Variants in ABLIM1 observed in about 807,000 individuals in gnomAD.
ABLIM1 encodes actin binding LIM protein 1.
In ABLIM1, 40 loss-of-function variants were observed where a neutral mutation model predicts 107.0. That is an observed-to-expected ratio of 0.37 (90% confidence interval 0.29 to 0.49). ABLIM1 has a LOEUF of 0.49. Ranked by LOEUF, ABLIM1 falls within the 20% of genes least tolerant of loss-of-function variation. The probability of loss-of-function intolerance (pLI) is 0.97; values close to 1 mark genes in which losing one functional copy is unlikely to be tolerated. For synonymous variants in ABLIM1, 357 were observed against 357.3 expected, an observed-to-expected ratio of 1.00 and a Z score of 0.01; for missense variants, 857 against 1,008.5, an observed-to-expected ratio of 0.85 and a Z score of 2.04.
At chr10:114,664,558 T>C (rs2079935139) in intron 1 of ABLIM1, among the ~76,000 whole-genome samples, 1 of 152,020 alleles carries the variant, frequency 6.6e-6, no homozygotes, top group South Asian at 2.1e-4. Context: ...TATTTTATTT[T>C]TTTTTGAGAA....
chr10:114,707,071 G>A lies in ABLIM1; in HGVS notation c.-213+60990C>T, dbSNP rs376828441. On this transcript the variant is annotated intron_variant, in intron 1 of 15. Coordinates refer to the ABLIM1 transcript ENST00000651092. This position sits in a 1 kb window ranked among gnomAD's most constrained non-coding sequence, Gnocchi z 4.1. ...TACATTAGAAAGGTAAAAAGAAACA[G>A]GTAAAATTAATTTTAAGATTTTTAA... 7.6e-4 allele frequency among the ~76,000 whole-genome samples: 115 copies of A among 152,074 alleles called. 2 individuals carry two copies. The South Asian group carries it at 0.022, about 29-fold the overall frequency.
chr10:114,624,168 G>A (rs2077644363), intron 1 of ABLIM1, among the ~76,000 whole-genome samples: 1 of 152,198 alleles, frequency 6.6e-6, no homozygotes, highest in African/African-American at 2.4e-5. Context: ...ACAATGGGAA[G>A]AAATCCTGCA....
At chr10:114,635,297 G>C (rs181960466) in intron 1 of ABLIM1, among the ~76,000 whole-genome samples, 320 of 152,338 alleles carry the variant, frequency 2.1e-3, no homozygotes, top group Non-Finnish European at 3.2e-3. Flanking sequence ...GTCACTCTTG[G>C]CAAAAATTCA....
chr10:114,582,316 A>C (rs917876056), intron 2 of ABLIM1, among the ~76,000 whole-genome samples: 4 of 152,154 alleles, frequency 2.6e-5, no homozygotes, highest in Non-Finnish European at 5.9e-5. Context: ...AAGAGGTGCA[A>C]GATGTCTACA....
At chr10:114,635,485 C>G (rs530328066) in intron 1 of ABLIM1, among the ~76,000 whole-genome samples, 2 of 152,328 alleles carry the variant, frequency 1.3e-5, no homozygotes, top group South Asian at 4.1e-4. Context: ...ACTGGAACAT[C>G]AGGTGTCCAG....
chr10:114,545,652 C>T (rs912986737), intron 5 of ABLIM1, among the ~76,000 whole-genome samples: 4 of 152,020 alleles, frequency 2.6e-5, no homozygotes, highest in East Asian at 1.9e-4. Context: ...AGGCCCGGCA[C>T]GGTGGCTCAT....
chr10:114,740,391 C>G (rs1186706708), intron 1 of ABLIM1, among the ~76,000 whole-genome samples: 1 of 152,032 alleles, frequency 6.6e-6, no homozygotes, highest in Non-Finnish European at 1.5e-5. Context: ...CCTACCTTCT[C>G]TTCGGGAATT....
the ABLIM1 span, among the ~76,000 whole-genome samples, chr10:114,798,564 C>CCCCA: frequency 2.0e-5 from 3 of 149,072 alleles, 1 homozygote; most frequent in Admixed American, 6.7e-5. Context: ...AGACCCCCCC[C>CCCCA]CCATGTCTAC....
chr10:114,704,263 T>TCTCTCTCG (rs1300434994), intron 1 of ABLIM1, among the ~76,000 whole-genome samples: 3 of 80,952 alleles, frequency 3.7e-5, no homozygotes, highest in African/African-American at 1.4e-4. Context: ...ACACTCTATC[T>TCTCTCTCG]CTCTCTCGCT....
chr10:114,799,299 T>C, the ABLIM1 span, among the ~76,000 whole-genome samples: 4 of 152,174 alleles, frequency 2.6e-5, no homozygotes, highest in African/African-American at 9.7e-5. Flanking sequence ...ACCTCTTCAC[T>C]CCCTTGGTGA....
intron 1 of ABLIM1, among the ~76,000 whole-genome samples, chr10:114,664,962 C>T (rs2079959700): frequency 6.6e-6 from 1 of 151,650 alleles, no homozygotes; most frequent in African/African-American, 2.4e-5. Flanking sequence ...ACTAAAAATA[C>T]AAAAAATTAG....
At chr10:114,498,621 G>A (rs969998763) in intron 6 of ABLIM1, among the ~76,000 whole-genome samples, 25 of 152,202 alleles carry the variant, frequency 1.6e-4, no homozygotes, top group Admixed American at 6.5e-4. Flanking sequence ...AGATGGCCCT[G>A]AAGTTCAACC....
intron 1 of ABLIM1, among the ~76,000 whole-genome samples, chr10:114,706,733 G>T (rs1023242883): frequency 6.6e-6 from 1 of 152,186 alleles, no homozygotes; most frequent in African/African-American, 2.4e-5. Flanking sequence ...TTTCCTAAAA[G>T]CTGAGAACTT....
At position 114,629,502 on chromosome 10, in the gene ABLIM1, A is replaced by G. The variant is rs920799676; in HGVS notation, c.245-27541T>C. Reference sequence around the variant, plus strand: ...CTGTTTTGGTTGTTTGAAGATCTACAGTGGGGGAAACACTAACCTATGCAC... The same window carrying G: ...CTGTTTTGGTTGTTTGAAGATCTACGGTGGGGGAAACACTAACCTATGCAC... On this transcript the variant is annotated intron_variant, in intron 1 of 22. Coordinates refer to ENST00000533213, the MANE Select transcript of ABLIM1 (RefSeq NM_002313.7). This position sits in a 1 kb window ranked among gnomAD's most constrained non-coding sequence, Gnocchi z 4.0. Among the ~76,000 whole-genome samples, 11 of 152,198 alleles carry G rather than the reference A, an allele frequency of 7.2e-5. No homozygotes were observed. Among genetic ancestry groups the G allele is most frequent in the Admixed American group, 2.6e-4 (4 of 15,284 alleles).
intron 1 of ABLIM1, among the ~76,000 whole-genome samples, chr10:114,628,235 C>A (rs562670451): frequency 6.6e-6 from 1 of 152,372 alleles, no homozygotes; most frequent in Admixed American, 6.5e-5. Flanking sequence ...CCCCACTGCT[C>A]TCTACAGCTG....
Position 114,575,474 on chromosome 10 carries a change from C to T in ABLIM1, c.505G>A (p.Val169Met). ...TAGGTCTTGCCCAGAGCAGTCACCA[C>T]TTCGCCCTCCACGAACTCCCCACAG... is the stretch of plus-strand genomic sequence containing the variant. ...HGCGEFVEGE[V>M]VTALGKTYHP... Residue 169 changes from valine to methionine, a missense_variant, in exon 3 of 23, where the codon GTG becomes ATG. Around this residue, in one of 5 missense-constraint regions of ABLIM1, gnomAD observed 381 missense variants for 506.9 expected, o/e 0.75. Transcript: ENST00000533213. The T allele has an allele frequency of 1.2e-6, 2 of 1,614,226 alleles. No individual in the cohort carries two copies. The highest frequency in any genetic ancestry group is 1.7e-6 in the Non-Finnish European group (2 of 1,180,038).
chr10:114,501,521 G>A (rs1182894537), intron 6 of ABLIM1, among the ~76,000 whole-genome samples: 1 of 152,170 alleles, frequency 6.6e-6, no homozygotes, highest in African/African-American at 2.4e-5. Context: ...CTAACGACTA[G>A]ATCATGTTGT....
chr10:114,443,029 G>A (rs914208324), intron 17 of ABLIM1, among the ~76,000 whole-genome samples: 16 of 151,930 alleles, frequency 1.1e-4, no homozygotes, highest in African/African-American at 3.6e-4. Flanking sequence ...TAGTAGAGAC[G>A]GGGTTTCACT....
chr10:114,609,846 A>G (rs1025443476), intron 1 of ABLIM1, among the ~76,000 whole-genome samples: 3 of 152,230 alleles, frequency 2.0e-5, no homozygotes, highest in African/African-American at 7.2e-5. Flanking sequence ...CACAATCAAA[A>G]TAACTGCGTC....
Sources: gnomAD v4.1 joint callset for allele counts (sites outside exome capture counted in the v4.1 genomes callset) on GRCh38, gnomAD v4.1.1 for gene constraint, gnomAD v4.1.1 regional missense constraint, Gnocchi (gnomAD v3.1) non-coding constraint, MANE v1.5 for transcripts, NCBI Gene and HGNC (gene_info 2026-07-23, HGNC 2026-07-21) for gene names.